Variants in NLRP11 observed in about 807,000 individuals in gnomAD.
NLRP11 encodes the protein NLR family pyrin domain containing 11, also known as NACHT, LRR and PYD domains-containing protein 11.
A neutral mutation model predicts 79.3 loss-of-function variants in NLRP11; 53 were observed. That is an observed-to-expected ratio of 0.67 (90% CI 0.54 to 0.84). NLRP11 has a LOEUF of 0.84. Among genes scored for constraint, NLRP11 ranks in the 40% least tolerant of loss-of-function variants. The pLI is 0.00. For missense variants in NLRP11, 1,264 were observed against 1,255.0 expected (o/e 1.01, Z -0.11); for synonymous variants, 518 against 462.6 (o/e 1.12, Z -1.54).
intron 1 of NLRP11, among the ~76,000 whole-genome samples, chr19:55,830,334 A>T (rs973672839): frequency 6.6e-6 from 1 of 152,180 alleles, no homozygotes; most frequent in Non-Finnish European, 1.5e-5. Context: ...TTCAGGAGTC[A>T]ACTGTATTTC....
chr19:55,796,348 G>A (rs553696921), intron 5 of NLRP11, 98 bp from the exon 6 acceptor site: 31 of 932,006 alleles, frequency 3.3e-5, no homozygotes, highest in Middle Eastern at 3.4e-4. Context: ...AACCAAGTGC[G>A]ATGATGTCTA....
At chr19:55,812,716 C>G (rs545570593) in intron 2 of NLRP11, among the ~76,000 whole-genome samples, 2 of 152,224 alleles carry the variant, frequency 1.3e-5, no homozygotes, top group South Asian at 4.1e-4. Context: ...TAGAACTACC[C>G]TAGGACCCTG....
At chr19:55,798,958 T>TAG (rs1307836897) in intron 5 of NLRP11, among the ~76,000 whole-genome samples, 2 of 152,150 alleles carry the variant, frequency 1.3e-5, no homozygotes, top group Non-Finnish European at 2.9e-5. Context: ...ACAACAGACC[T>TAG]AGAAAATTTG....
intron 7 of NLRP11, among the ~76,000 whole-genome samples, chr19:55,790,996 G>A (rs1411298987): frequency 1.3e-5 from 2 of 152,198 alleles, no homozygotes; most frequent in East Asian, 3.8e-4. Flanking sequence ...AAAAGAACGT[G>A]TTTGGAGTCT....
chr19:55,804,327 A>G (rs893171695), intron 4 of NLRP11, among the ~76,000 whole-genome samples: 2 of 152,244 alleles, frequency 1.3e-5, no homozygotes, highest in African/African-American at 4.8e-5. Flanking sequence ...TGTTCAATGC[A>G]GCACTATTCA....
intron 7 of NLRP11, 56 bp downstream of exon 7, chr19:55,792,245 C>T: frequency 1.3e-6 from 2 of 1,505,268 alleles, no homozygotes; most frequent in Non-Finnish European, 1.8e-6. Context: ...AACCCCACCA[C>T]CCAAGCCCTC....
intron 1 of NLRP11, among the ~76,000 whole-genome samples, chr19:55,830,278 C>T (rs1055881989): frequency 7.9e-5 from 12 of 152,146 alleles, no homozygotes; most frequent in Non-Finnish European, 1.5e-4. Flanking sequence ...ACTTCTATTT[C>T]ACCATTGCCT....
chr19:55,822,554 G>A (rs4264497), intron 1 of NLRP11, among the ~76,000 whole-genome samples: 71,793 of 150,622 alleles, frequency 0.48, 20,120 homozygotes, highest in African/African-American at 0.79. Flanking sequence ...CAGTGGATGC[G>A]CGCACCGTGC....
intron 1 of NLRP11, among the ~76,000 whole-genome samples, chr19:55,821,203 TCTCA>T (rs564266986): frequency 0.075 from 8,431 of 112,822 alleles, 274 homozygotes; most frequent in Non-Finnish European, 0.094. Context: ...TCTCTCTCTC[TCTCA>T]CACACACACA....
At chr19:55,810,622 A>G (rs1166288939) in intron 2 of NLRP11, among the ~76,000 whole-genome samples, 1 of 151,928 alleles carries the variant, frequency 6.6e-6, no homozygotes, top group Non-Finnish European at 1.5e-5. Context: ...TCAGCCTCCC[A>G]AGTAGCTAGG....
rs184145296 is a variant in NLRP11, at chr19:55,815,494, A to G, written c.271+2410T>C. Among the ~76,000 whole-genome samples the G allele has an allele frequency of 9.3e-3, 1,357 of 146,552 alleles. 77 individuals carry two copies. The highest frequency in any genetic ancestry group is 0.087 in the Admixed American group (1,255 of 14,442). The stretch of plus-strand genomic sequence containing the variant: ...CAGTGAGCCGAGATTGTTCCATTGC[A>G]TTCCAGCCTGGACAATGGAACAAGA... On this transcript the variant is annotated intron_variant, in intron 2 of 9. Coordinates refer to ENST00000589093, the Ensembl canonical transcript of NLRP11.
intron 1 of NLRP11, 133 bp from the exon 2 acceptor site, chr19:55,818,369 C>A (rs922609002): frequency 1.7e-5 from 10 of 575,176 alleles, no homozygotes; most frequent in Non-Finnish European, 2.4e-5. Context: ...AGTCTGAACT[C>A]TTTCTGTCTG....
intron 8 of NLRP11, 125 bp from the exon 9 acceptor site, chr19:55,789,102 TAA>T: frequency 7.3e-7 from 1 of 1,376,904 alleles, no homozygotes; most frequent in Non-Finnish European, 1.0e-6. Flanking sequence ...GACTGTGCAA[TAA>T]GAGTCCCATT....
chr19:55,801,845 A>T lies in NLRP11; in HGVS notation c.2004-106T>A, dbSNP rs947536516. 145 of 883,998 alleles carry T rather than the reference A, an allele frequency of 1.6e-4. No homozygotes were observed. The African/African-American group carries it at 2.2e-3, about 13-fold the overall frequency. The allele number at this position is 883,998 out of a possible 1,614,324, so 54.8% of individuals were successfully genotyped here. A position where few individuals can be genotyped will look rare whatever the true frequency, so the allele number is the denominator to read the frequency against. On this transcript the variant is annotated intron_variant, in intron 4 of 9. Transcript: ENST00000589093. Reference sequence around the variant, plus strand: ...ATCCTGTAACAAAGATTCTCAGTGGATTACATCCTCACACATGGCTCTCGA... The same window carrying T: ...ATCCTGTAACAAAGATTCTCAGTGGTTTACATCCTCACACATGGCTCTCGA...
intron 4 of NLRP11, among the ~76,000 whole-genome samples, chr19:55,806,764 C>T (rs1238809863): frequency 6.6e-6 from 1 of 152,160 alleles, no homozygotes; most frequent in Non-Finnish European, 1.5e-5. Flanking sequence ...ATGATCATGC[C>T]ATACATACTT....
chr19:55,810,981 C>T (rs1469441401), intron 2 of NLRP11, among the ~76,000 whole-genome samples: 1 of 152,104 alleles, frequency 6.6e-6, no homozygotes, highest in South Asian at 2.1e-4. Context: ...AATTATGTTT[C>T]ATTTCATACC....
At chr19:55,829,674 A>T (rs56872881) in intron 1 of NLRP11, among the ~76,000 whole-genome samples, 19,640 of 149,696 alleles carry the variant, frequency 0.13, 1,606 homozygotes, top group East Asian at 0.23. Flanking sequence ...AAAAAAAAAA[A>T]AAAAAAAAAA....
chr19:55,834,964 A>G (rs1983107352), upstream of NLRP11, among the ~76,000 whole-genome samples: 3 of 152,212 alleles, frequency 2.0e-5, no homozygotes, highest in South Asian at 6.2e-4. Flanking sequence ...AGTTCACTTC[A>G]CAACTGGAAA....
At chr19:55,796,823 G>A (rs1414086601) in intron 5 of NLRP11, among the ~76,000 whole-genome samples, 3 of 151,962 alleles carry the variant, frequency 2.0e-5, no homozygotes, top group Admixed American at 6.6e-5. Flanking sequence ...CGAGTAGCTG[G>A]GATTACAGGC....
Sources: allele counts gnomAD v4.1 joint callset (sites outside exome capture counted in the v4.1 genomes callset), GRCh38; gene constraint gnomAD v4.1.1; transcripts MANE v1.5; gene names NCBI Gene and HGNC (gene_info 2026-07-23, HGNC 2026-07-21).